The following DYNC2I1 variants were observed in gnomAD, a reference collection of about 807,000 sequenced individuals.
DYNC2I1 encodes cytoplasmic dynein 2 intermediate chain 1.
Under a neutral mutation model 133.4 loss-of-function variants are expected in DYNC2I1, and 89 were observed. That is an observed-to-expected ratio of 0.67 (90% CI 0.56 to 0.80). The LOEUF (loss-of-function observed/expected upper bound fraction) is 0.80, where lower values mean the gene tolerates loss of function less well. Among genes scored for constraint, DYNC2I1 ranks in the 30% least tolerant of loss-of-function variants. DYNC2I1 has a pLI of 0.00. For synonymous variants in DYNC2I1, 504 were observed against 484.3 expected (o/e 1.04, Z -0.54); for missense variants, 1,291 against 1,314.5 (o/e 0.98, Z 0.28).
At chr7:158,860,603 C>T (rs936044201) in intron 1 of DYNC2I1, among the ~76,000 whole-genome samples, 30 of 152,090 alleles carry the variant, frequency 2.0e-4, no homozygotes, top group African/African-American at 6.8e-4. Flanking sequence ...TTTAATTTAT[C>T]TTGTTTACAA....
intron 8 of DYNC2I1, among the ~76,000 whole-genome samples, chr7:158,896,893 TTGTC>T (rs377579725): frequency 1.1e-4 from 17 of 152,032 alleles, no homozygotes; most frequent in African/African-American, 4.1e-4. Flanking sequence ...TGTAATATCT[TTGTC>T]TGGATCATGC....
At chr7:158,892,265 C>T (rs568277153) in intron 8 of DYNC2I1, among the ~76,000 whole-genome samples, 2 of 152,106 alleles carry the variant, frequency 1.3e-5, no homozygotes, top group Non-Finnish European at 2.9e-5. Flanking sequence ...TGTTAGTTTT[C>T]GTTGAAAATT....
chr7:158,905,406 G>A, intron 10 of DYNC2I1: 1 of 233,068 alleles, frequency 4.3e-6, no homozygotes, highest in Non-Finnish European at 8.6e-6. Context: ...CTCCCAGAGG[G>A]CTGGGATTAC....
At chr7:158,938,799 C>T (rs1851035269) in intron 23 of DYNC2I1, among the ~76,000 whole-genome samples, 1 of 151,856 alleles carries the variant, frequency 6.6e-6, no homozygotes, top group South Asian at 2.1e-4. Flanking sequence ...GGGAGTTCTT[C>T]AACCTGAAAG....
At chr7:158,896,361 TTTTA>T (rs1238340933) in intron 8 of DYNC2I1, among the ~76,000 whole-genome samples, 3 of 152,262 alleles carry the variant, frequency 2.0e-5, no homozygotes, top group Non-Finnish European at 4.4e-5. Flanking sequence ...GATTTTTCTC[TTTTA>T]GCCTGTTGAT....
intron 1 of DYNC2I1, 115 bp from the exon 2 acceptor site, chr7:158,869,737 TTTC>T: frequency 1.4e-6 from 1 of 722,370 alleles, no homozygotes; most frequent in African/African-American, 1.8e-5. Context: ...AGAGAAGTAT[TTTC>T]TGGCATGTCA....
At chr7:158,889,922 C>A (rs1359776178) in intron 7 of DYNC2I1, among the ~76,000 whole-genome samples, 1 of 146,390 alleles carries the variant, frequency 6.8e-6, no homozygotes, top group Non-Finnish European at 1.5e-5. Context: ...AGGAAAATCG[C>A]TTGAACCCGG....
intron 14 of DYNC2I1, among the ~76,000 whole-genome samples, chr7:158,916,456 A>C (rs1379447581): frequency 2.7e-5 from 2 of 74,270 alleles, no homozygotes; most frequent in East Asian, 2.8e-4. Context: ...ACGCTGGTTG[A>C]CATTTAGGAT....
chr7:158,858,288 A>G (rs1277146577), intron 1 of DYNC2I1, among the ~76,000 whole-genome samples: 1 of 152,230 alleles, frequency 6.6e-6, no homozygotes, highest in Non-Finnish European at 1.5e-5. Context: ...ATGAAAACCA[A>G]TAAACACTAT....
At chr7:158,841,886 G>T in the DYNC2I1 span, among the ~76,000 whole-genome samples, 1 of 152,180 alleles carries the variant, frequency 6.6e-6, no homozygotes, top group Non-Finnish European at 1.5e-5. Context: ...GGAAGAATGG[G>T]CAGATTTAAG....
At chr7:158,924,380 G>T (rs111988643) in intron 17 of DYNC2I1, among the ~76,000 whole-genome samples, 14 of 152,234 alleles carry the variant, frequency 9.2e-5, no homozygotes, top group Non-Finnish European at 1.8e-4. Flanking sequence ...GGGTTGGGGC[G>T]CTGTGGACTG....
At chr7:158,852,407 A>G (rs1841079400), upstream of DYNC2I1, among the ~76,000 whole-genome samples, 1 of 151,022 alleles carries the variant, frequency 6.6e-6, no homozygotes, top group Non-Finnish European at 1.5e-5. Flanking sequence ...GGCATGAGCC[A>G]CCGCGCCCGG....
At position 158,857,401 on chromosome 7, in the gene DYNC2I1, C is replaced by T. The variant is rs998168565; in HGVS notation, c.15+651C>T. Among the ~76,000 whole-genome samples, 14 of 152,184 alleles carry T rather than the reference C, an allele frequency of 9.2e-5. No homozygotes were observed. The East Asian group carries it at 2.7e-3, about 29-fold the overall frequency. On this transcript the variant is annotated intron_variant, in intron 1 of 24. Transcript: ENST00000407559. ...CTGTATTATTCTTATCTATTGATTC[C>T]CCACTGAAAGATGAGGAATTTAATT...
At chr7:158,869,828 A>G (rs78971780) in intron 1 of DYNC2I1, 27 bp from the exon 2 acceptor site, 16 of 1,291,684 alleles carry the variant, frequency 1.2e-5, no homozygotes, top group South Asian at 2.6e-5. Flanking sequence ...TATTTTAAAC[A>G]TTCTAACTTT....
chr7:158,937,139 A>G (rs1343731751), intron 23 of DYNC2I1, among the ~76,000 whole-genome samples: 12 of 152,224 alleles, frequency 7.9e-5, no homozygotes, highest in Admixed American at 7.9e-4. Context: ...GTGATCTCCA[A>G]GACAACACAG....
At chr7:158,935,604 A>G (rs1850672622) in intron 23 of DYNC2I1, among the ~76,000 whole-genome samples, 1 of 152,162 alleles carries the variant, frequency 6.6e-6, no homozygotes, top group Non-Finnish European at 1.5e-5. Flanking sequence ...GAGGGCAGAG[A>G]TGGTATTTCA....
At chr7:158,866,952 A>G (rs1842461395) in intron 1 of DYNC2I1, among the ~76,000 whole-genome samples, 1 of 150,620 alleles carries the variant, frequency 6.6e-6, no homozygotes, top group South Asian at 2.1e-4. Flanking sequence ...CCTAATTTTC[A>G]CATTCCAGGA....
Position 158,945,900 on chromosome 7 carries a change from A to G in DYNC2I1, c.*121A>G. 6.3e-6 allele frequency: 6 copies of G among 951,324 alleles called. No homozygotes were observed. The highest frequency in any genetic ancestry group is 7.1e-6 in the Non-Finnish European group (5 of 705,004). 58.9% of individuals were successfully genotyped at this position (951,324 alleles called of 1,614,324 possible). ...TATAGACTATGTATATTCTGTATAT[A>G]ATTTATTTTACATGAATATGTCTTT... On this transcript the variant is annotated 3_prime_UTR_variant, in exon 25 of 25. Coordinates refer to ENST00000407559, the MANE Select transcript of DYNC2I1 (RefSeq NM_018051.5). This position sits in a 1 kb window ranked among gnomAD's most constrained non-coding sequence, Gnocchi z 4.1.
Position 158,901,795 on chromosome 7 carries a change from C to A in DYNC2I1, c.1116C>A (p.Ala372=). The part of the protein sequence containing the change: ...LENARADAYT[A]SCEDDFEDYE... ...ATGCTAGAGCTGATGCATATACAGC[C>A]AGTTGTGAAGATGATTTTGAAGTAT... The change falls in exon 9 of 25, where the codon GCC becomes GCA. Residue 372 remains alanine (A), a synonymous_variant. Coordinates refer to ENST00000407559, the MANE Select transcript of DYNC2I1 (RefSeq NM_018051.5). 6.3e-7 allele frequency: 1 copy of A among 1,577,832 alleles called. No individual in the cohort carries two copies. The highest frequency in any genetic ancestry group is 8.6e-7 in the Non-Finnish European group (1 of 1,161,780).
Sources: gnomAD v4.1 joint callset for allele counts (sites outside exome capture counted in the v4.1 genomes callset) on GRCh38, gnomAD v4.1.1 for gene constraint, Gnocchi (gnomAD v3.1) non-coding constraint, MANE v1.5 for transcripts, NCBI Gene and HGNC (gene_info 2026-07-23, HGNC 2026-07-21) for gene names.